Variants in ABHD12 observed in about 807,000 individuals in gnomAD.
ABHD12 encodes the protein abhydrolase domain containing 12, lysophospholipase, also known as lysophosphatidylserine lipase ABHD12.
Under a neutral mutation model 58.3 loss-of-function variants are expected in ABHD12, and 43 were observed. That is an observed-to-expected ratio of 0.74 (90% CI 0.58 to 0.95). The LOEUF (loss-of-function observed/expected upper bound fraction) is 0.95. Ranked by LOEUF, ABHD12 falls within the 40% of genes least tolerant of loss-of-function variation. ABHD12 has a pLI of 0.00. For missense variants in ABHD12, 539 were observed against 537.2 expected (o/e 1.00, Z -0.03); for synonymous variants, 219 against 211.2 (o/e 1.04, Z -0.32).
Position 25,303,264 on chromosome 20 carries a change from CCT to C in ABHD12, c.1029+284_1029+285del, listed in dbSNP as rs35948331. ...ACATAGGCAGCCCACTCTGATAACC[CCT>C]GTGTGAGGACTGGGAACTATCTGCT... On this transcript the variant is annotated intron_variant, in intron 11 of 12. Transcript: ENST00000339157. 3.6e-3 allele frequency: 4,619 copies of C among 1,276,074 alleles called. 123 individuals are homozygous for C. In the African/African-American group the frequency reaches 0.064, roughly 18 times the overall value. The allele number at this position is 1,276,074 out of a possible 1,614,324, so 79.0% of individuals were successfully genotyped here. A position where few individuals can be genotyped will look rare whatever the true frequency, so the allele number is the denominator to read the frequency against.
At chr20:25,304,569 T>C (rs1228157911) in intron 10 of ABHD12, among the ~76,000 whole-genome samples, 1 of 152,196 alleles carries the variant, frequency 6.6e-6, no homozygotes, top group Non-Finnish European at 1.5e-5. Flanking sequence ...TTTTTTTGTT[T>C]GTTTTTATTT....
At position 25,300,545 on chromosome 20, in the gene ABHD12, C is replaced by G. The variant is rs191889828; in HGVS notation, c.*300G>C. 402 of 1,382,122 alleles carry G rather than the reference C, an allele frequency of 2.9e-4. No homozygotes were observed. In the African/African-American group the frequency reaches 5.3e-3, roughly 18 times the overall value. The allele number at this position is 1,382,122 out of a possible 1,614,324, so 85.6% of individuals were successfully genotyped here. A position where few individuals can be genotyped will look rare whatever the true frequency, so the allele number is the denominator to read the frequency against. On this transcript the variant is annotated 3_prime_UTR_variant, in exon 13 of 13. Transcript: ENST00000339157. ...CCCCCTGTCCAGCTCAGTGCAGCAT[C>G]AAGCAGGCAGTGATGGCTGCCTGCT...
intron 10 of ABHD12, among the ~76,000 whole-genome samples, chr20:25,305,393 C>T (rs1342217041): frequency 7.1e-6 from 1 of 141,692 alleles, no homozygotes. Context: ...GACGGAGTCT[C>T]GCTCTGTCGC....
chr20:25,303,263 C>T (rs1367435373), intron 11 of ABHD12: 1 of 1,272,428 alleles, frequency 7.9e-7, no homozygotes, highest in Admixed American at 3.1e-5. Context: ...CTCTGATAAC[C>T]CCTGTGTGAG....
rs112060709 is a variant in ABHD12 at position 25,312,093 on chromosome 20, C to T, written c.620-2518G>A. On this transcript the variant is annotated intron_variant, in intron 6 of 12. Coordinates refer to ENST00000339157, the MANE Select transcript of ABHD12 (RefSeq NM_001042472.3). The stretch of plus-strand genomic sequence containing the variant: ...CAACACTTCGGGAGGCCAAGGTGGG[C>T]AGACTGCTTGAACCCAGTAGTTCAA... 2.0e-3 allele frequency among the ~76,000 whole-genome samples: 309 copies of T among 152,196 alleles called. 1 individual carries two copies. The highest frequency in any genetic ancestry group is 7.3e-3 in the African/African-American group (303 of 41,540).
chr20:25,376,147 G>A (rs1328404921), intron 1 of ABHD12, among the ~76,000 whole-genome samples: 1 of 151,526 alleles, frequency 6.6e-6, no homozygotes, highest in Non-Finnish European at 1.5e-5. Context: ...TAATAATAAT[G>A]TCTACAATTA....
chr20:25,356,743 G>A (rs2089673792), intron 1 of ABHD12, among the ~76,000 whole-genome samples: 1 of 152,184 alleles, frequency 6.6e-6, no homozygotes, highest in Non-Finnish European at 1.5e-5. Context: ...CAGAGCCTCT[G>A]ACTGTGATGG....
intron 1 of ABHD12, among the ~76,000 whole-genome samples, chr20:25,373,404 G>A (rs906385653): frequency 6.6e-6 from 1 of 152,014 alleles, no homozygotes; most frequent in African/African-American, 2.4e-5. Context: ...AAAATCAGCC[G>A]GGTGTGGTGG....
chr20:25,363,213 A>G (rs1232118818), intron 1 of ABHD12, among the ~76,000 whole-genome samples: 1 of 150,378 alleles, frequency 6.6e-6, no homozygotes, highest in Non-Finnish European at 1.5e-5. Flanking sequence ...AAAATGATTG[A>G]CATTTTACTT....
chr20:25,339,021 A>G (rs1600822529), intron 2 of ABHD12: 1 of 1,351,620 alleles, frequency 7.4e-7, no homozygotes, highest in South Asian at 1.5e-5. Context: ...GGGTAATAAA[A>G]GCATTCTAGT....
At chr20:25,383,967 AAAAAAAAG>A (rs1265337769) in intron 1 of ABHD12, among the ~76,000 whole-genome samples, 3 of 132,202 alleles carry the variant, frequency 2.3e-5, no homozygotes, top group Admixed American at 7.5e-5. Context: ...AAAAAAAAAA[AAAAAAAAG>A]AAAAAAAAGA....
At chr20:25,340,976 T>C (rs2089446974) in intron 1 of ABHD12, among the ~76,000 whole-genome samples, 1 of 152,246 alleles carries the variant, frequency 6.6e-6, no homozygotes, top group Non-Finnish European at 1.5e-5. Context: ...TCCATGAACT[T>C]TGCTATATGT....
intron 1 of ABHD12, among the ~76,000 whole-genome samples, chr20:25,365,625 T>C (rs186010699): frequency 1.4e-4 from 22 of 152,344 alleles, no homozygotes; most frequent in African/African-American, 5.3e-4. Context: ...GCATCTATAT[T>C]ATTAAAAGAT....
chr20:25,377,918 G>A (rs1174939126), intron 1 of ABHD12, among the ~76,000 whole-genome samples: 1 of 152,096 alleles, frequency 6.6e-6, no homozygotes, highest in Non-Finnish European at 1.5e-5. Context: ...GGATGGTCTT[G>A]ATCTCTTGAT....
At chr20:25,311,008 A>C (rs1287878006) in intron 6 of ABHD12, among the ~76,000 whole-genome samples, 1 of 152,194 alleles carries the variant, frequency 6.6e-6, no homozygotes, top group Non-Finnish European at 1.5e-5. Context: ...CAGTGTCAAC[A>C]TGGAGAGAAG....
At chr20:25,384,738 G>A (rs146683846) in intron 1 of ABHD12, among the ~76,000 whole-genome samples, 68 of 152,092 alleles carry the variant, frequency 4.5e-4, no homozygotes, top group Admixed American at 4.6e-4. Flanking sequence ...AGCCAAACCC[G>A]ATCTCAAACA....
intron 1 of ABHD12, among the ~76,000 whole-genome samples, chr20:25,352,155 C>T (rs1295271880): frequency 1.3e-5 from 2 of 151,740 alleles, no homozygotes; most frequent in Non-Finnish European, 2.9e-5. Context: ...CCATTCCTGG[C>T]TAATTTTTGT....
intron 2 of ABHD12, among the ~76,000 whole-genome samples, chr20:25,328,223 G>A (rs975147624): frequency 6.6e-6 from 1 of 152,200 alleles, no homozygotes; most frequent in Non-Finnish European, 1.5e-5. Context: ...AGGATCTGGA[G>A]TGGGAAAGTG....
intron 1 of ABHD12, among the ~76,000 whole-genome samples, chr20:25,340,264 T>A (rs978064694): frequency 2.0e-5 from 3 of 152,240 alleles, no homozygotes; most frequent in African/African-American, 7.2e-5. Flanking sequence ...ATAAACAATA[T>A]TTGTTATGAA....
Sources: gnomAD v4.1 joint callset for allele counts (sites outside exome capture counted in the v4.1 genomes callset) on GRCh38, gnomAD v4.1.1 for gene constraint, MANE v1.5 for transcripts, NCBI Gene and HGNC (gene_info 2026-07-23, HGNC 2026-07-21) for gene names.